ZNF723: variants seen among roughly 807,000 people sequenced by gnomAD.
ZNF723 encodes zinc finger protein 723, also known as zinc finger protein 723, pseudogene.
Under a neutral mutation model 9.4 loss-of-function variants are expected in ZNF723, and 5 were observed. The ratio of observed to expected loss-of-function variants is 0.53; its 90% confidence interval spans 0.28 to 1.12. The LOEUF (loss-of-function observed/expected upper bound fraction) is 1.12, where lower values mean the gene tolerates loss of function less well. Ranked by LOEUF, ZNF723 falls within the 50% of genes most tolerant of loss-of-function variation. The probability of loss-of-function intolerance (pLI) is 0.10; values close to 1 mark genes in which losing one functional copy is unlikely to be tolerated. For missense variants in ZNF723, 450 were observed against 501.5 expected (o/e 0.90, Z 0.98); for synonymous variants, 158 against 168.8 (o/e 0.94, Z 0.49).
At chr19:22,820,599 A>T in the ZNF723 span, among the ~76,000 whole-genome samples, 1 of 152,192 alleles carries the variant, frequency 6.6e-6, no homozygotes, top group African/African-American at 2.4e-5. Context: ...AAACCATCCA[A>T]TAAGAGATAT....
chr19:22,833,666 A>G (rs1568402428), intron 1 of ZNF723, among the ~76,000 whole-genome samples: 1 of 150,546 alleles, frequency 6.6e-6, no homozygotes, highest in Non-Finnish European at 1.5e-5. Flanking sequence ...CTGGAGTGCA[A>G]TGGCATGATC....
intron 1 of ZNF723, among the ~76,000 whole-genome samples, chr19:22,847,803 G>A (rs1015223296): frequency 2.0e-5 from 3 of 151,894 alleles, no homozygotes; most frequent in African/African-American, 4.8e-5. Flanking sequence ...ATATTTCTGT[G>A]TTGAAAATTA....
chr19:22,820,245 A>G, the ZNF723 span, among the ~76,000 whole-genome samples: 1 of 152,126 alleles, frequency 6.6e-6, no homozygotes, highest in Non-Finnish European at 1.5e-5. Context: ...CGCTGCCCAT[A>G]GGAAAAATTG....
At chr19:22,839,650 T>G (rs1026687656) in intron 1 of ZNF723, among the ~76,000 whole-genome samples, 1 of 151,952 alleles carries the variant, frequency 6.6e-6, no homozygotes, top group African/African-American at 2.4e-5. Context: ...ATATTTTTTA[T>G]TTTTAGTAGA....
chr19:22,828,468 C>T (rs1370221818), upstream of ZNF723, among the ~76,000 whole-genome samples: 1 of 152,008 alleles, frequency 6.6e-6, no homozygotes, highest in African/African-American at 2.4e-5. Context: ...TCATGGCCAA[C>T]AAGGTGAAAC....
chr19:22,821,219 C>A, the ZNF723 span, among the ~76,000 whole-genome samples: 4 of 152,170 alleles, frequency 2.6e-5, no homozygotes, highest in African/African-American at 7.2e-5. Flanking sequence ...TCTGGACCTG[C>A]TTGCAGGCGT....
At chr19:22,815,384 G>C in the ZNF723 span, among the ~76,000 whole-genome samples, 1 of 152,122 alleles carries the variant, frequency 6.6e-6, no homozygotes, top group Non-Finnish European at 1.5e-5. Context: ...GTCCTGCCAA[G>C]GCTGTGCCCA....
At chr19:22,838,646 A>C (rs1278943650) in intron 1 of ZNF723, among the ~76,000 whole-genome samples, 1 of 152,078 alleles carries the variant, frequency 6.6e-6, no homozygotes, top group African/African-American at 2.4e-5. Context: ...TGCTGCAAAA[A>C]ACATGATCTT....
chr19:22,858,608 CA>C lies in ZNF723; in HGVS notation c.*183del. ...GTGAAACAACGTCTCTACTAAAATA[CA>C]AAAAAAATTAGCCGGGTGTAGTGGT... On this transcript the variant is annotated 3_prime_UTR_variant, in exon 4 of 4. Transcript: ENST00000600766. 2.6e-4 allele frequency: 116 copies of C among 438,352 alleles called. No homozygotes were observed. The highest frequency in any genetic ancestry group is 3.1e-4 in the Non-Finnish European group (79 of 251,964). 27.2% of individuals were successfully genotyped at this position (438,352 alleles called of 1,614,324 possible).
chr19:22,848,340 T>G lies in ZNF723; in HGVS notation c.83T>G (p.Leu28Ter). 1.4e-6 allele frequency: 2 copies of G among 1,469,438 alleles called. No individual in the cohort carries two copies. The highest frequency in any genetic ancestry group is 1.9e-6 in the Non-Finnish European group (2 of 1,055,340). 91.0% of individuals were successfully genotyped at this position (1,469,438 alleles called of 1,614,324 possible). Reference sequence around the variant, plus strand: ...TTCCTGGACACTGCACAGCAGAATTTATATAGGGATGTGATGTTAGAGAAC... The same window carrying G: ...TTCCTGGACACTGCACAGCAGAATTGATATAGGGATGTGATGTTAGAGAAC... ...WQFLDTAQQNLYRDVMLENYR... is the reference protein window; with the variant it reads ...WQFLDTAQQN The change falls in exon 2 of 4, where the codon TTA (leucine) becomes TGA (stop). Residue 28 changes from leucine to a stop codon, truncating the protein, a stop_gained. Transcript: ENST00000600766. LOFTEE classifies it high-confidence loss of function.
At chr19:22,850,902 G>T (rs1967386633) in intron 3 of ZNF723, among the ~76,000 whole-genome samples, 1 of 152,108 alleles carries the variant, frequency 6.6e-6, no homozygotes, top group South Asian at 2.1e-4. Flanking sequence ...TTGAAAAATG[G>T]AGATTACATA....
intron 1 of ZNF723, among the ~76,000 whole-genome samples, chr19:22,844,060 C>T (rs1227745455): frequency 1.3e-5 from 2 of 152,140 alleles, no homozygotes; most frequent in Admixed American, 1.3e-4. Context: ...TCTTGCCTCA[C>T]AGAACTGATT....
At chr19:22,838,720 A>G (rs967491108) in intron 1 of ZNF723, among the ~76,000 whole-genome samples, 22 of 151,548 alleles carry the variant, frequency 1.5e-4, no homozygotes, top group Non-Finnish European at 2.8e-4. Context: ...TTTTTATATA[A>G]ATATTCTACT....
chr19:22,842,229 T>C (rs1234796179), intron 1 of ZNF723, among the ~76,000 whole-genome samples: 1 of 152,190 alleles, frequency 6.6e-6, no homozygotes, highest in East Asian at 1.9e-4. Flanking sequence ...GGTGTTGAAC[T>C]CTTGACCTCA....
At chr19:22,835,721 A>G (rs1282006184) in intron 1 of ZNF723, among the ~76,000 whole-genome samples, 1 of 152,148 alleles carries the variant, frequency 6.6e-6, no homozygotes, top group Non-Finnish European at 1.5e-5. Context: ...ATAATTGGTG[A>G]GTTGCATAGA....
At chr19:22,817,724 A>G in the ZNF723 span, among the ~76,000 whole-genome samples, 1 of 152,196 alleles carries the variant, frequency 6.6e-6, no homozygotes. Context: ...GATACGTTGA[A>G]TTAGCCAATA....
At chr19:22,853,269 C>CT (rs910325291) in intron 3 of ZNF723, among the ~76,000 whole-genome samples, 1 of 151,864 alleles carries the variant, frequency 6.6e-6, no homozygotes, top group Admixed American at 6.6e-5. Context: ...AACATTGTTT[C>CT]TTTTTTTGAA....
At position 22,846,198 on chromosome 19, in the gene ZNF723, G is replaced by A. The variant is rs562438341; in HGVS notation, c.4-2063G>A. On this transcript the variant is annotated intron_variant, in intron 1 of 3. Coordinates refer to ENST00000600766, the MANE Select transcript of ZNF723 (RefSeq NM_001349726.2). Reference sequence around the variant, plus strand: ...CTTTGTGGCTGTTGAACATGGGAGGGTGGGGATACTCAAGATTCCTGTTGG... The same window carrying A: ...CTTTGTGGCTGTTGAACATGGGAGGATGGGGATACTCAAGATTCCTGTTGG... Among the ~76,000 whole-genome samples the A allele has an allele frequency of 2.6e-5, 4 of 152,232 alleles. No homozygotes were observed. In the South Asian group the frequency reaches 8.3e-4, roughly 32 times the overall value.
At chr19:22,821,979 G>A in the ZNF723 span, among the ~76,000 whole-genome samples, 1 of 152,246 alleles carries the variant, frequency 6.6e-6, no homozygotes, top group Admixed American at 6.5e-5. Context: ...TTGTGGTGGT[G>A]TGCGTCTGTA....
Sources: allele counts gnomAD v4.1 joint callset (sites outside exome capture counted in the v4.1 genomes callset), GRCh38; gene constraint gnomAD v4.1.1; transcripts MANE v1.5; gene names NCBI Gene and HGNC (gene_info 2026-07-23, HGNC 2026-07-21).